The following UBIAD1 variants were observed in gnomAD, a reference collection of about 807,000 sequenced individuals.
UBIAD1 encodes the protein ubiA prenyltransferase domain-containing protein 1.
Under a neutral mutation model 20.1 loss-of-function variants are expected in UBIAD1, and 12 were observed. The observed-to-expected ratio is 0.60, with a 90% CI of 0.38 to 0.97. The LOEUF is 0.97. UBIAD1 is among the 50% of genes least tolerant of loss of function. UBIAD1 has a pLI of 0.00. For missense variants in UBIAD1, 333 were observed against 419.5 expected (o/e 0.79, Z 1.80); for synonymous variants, 207 against 189.2 (o/e 1.09, Z -0.77).
chr1:11,277,734 A>G (rs574719117), intron 1 of UBIAD1, among the ~76,000 whole-genome samples: 1 of 150,874 alleles, frequency 6.6e-6, no homozygotes, highest in East Asian at 2.0e-4. Context: ...CACAACCTCC[A>G]CCTCCGGGGT....
Position 11,273,609 on chromosome 1 carries a change from G to T in UBIAD1, c.78G>T (p.Pro26=), listed in dbSNP as rs778447000. ...CTGTCAAAGCTGGGGACAGGGACCC[G>T]CTGGGGAACGACTGTCCCGAGCAAG... ...GETVKAGDRD[P]LGNDCPEQDR... is the part of the protein sequence containing the mutation. Residue 26 remains proline, a synonymous_variant, in exon 1 of 2, where the codon CCG becomes CCT. Transcript: ENST00000376810. This position sits in a 1 kb window ranked among gnomAD's most constrained non-coding sequence, Gnocchi z 4.9. 6.8e-6 allele frequency: 11 copies of T among 1,613,824 alleles called. No individual in the cohort carries two copies. Among genetic ancestry groups the T allele is most frequent in the Non-Finnish European group, 9.3e-6 (11 of 1,180,054 alleles).
chr1:11,297,031 A>T (rs984564602), downstream of UBIAD1, among the ~76,000 whole-genome samples: 3 of 152,194 alleles, frequency 2.0e-5, no homozygotes, highest in African/African-American at 7.2e-5. Context: ...TAGAAAATGA[A>T]CAAGACCAGA....
chr1:11,285,525 C>T lies in UBIAD1; in HGVS notation c.530-119C>T. 4 of 1,489,186 alleles carry T rather than the reference C, an allele frequency of 2.7e-6. No individual in the cohort carries two copies. Among genetic ancestry groups the T allele is most frequent in the Admixed American group, 1.8e-5 (1 of 55,704 alleles). 92.2% of individuals were successfully genotyped at this position (1,489,186 alleles called of 1,614,324 possible). A position where few individuals can be genotyped will look rare whatever the true frequency, so the allele number is the denominator to read the frequency against. ...GGTTAAGGGATGAAATGAGTGCCCA[C>T]CTGCACAGTCTAAGGATTTACCATT... On this transcript the variant is annotated intron_variant, in intron 1 of 1. Transcript: ENST00000376810. The surrounding 1 kb of genome is among the most constrained non-coding windows in gnomAD (Gnocchi z 4.4).
At chr1:11,282,767 G>A (rs1030700468) in intron 1 of UBIAD1, among the ~76,000 whole-genome samples, 4 of 149,284 alleles carry the variant, frequency 2.7e-5, no homozygotes, top group South Asian at 2.1e-4. Context: ...GGGTTTCTCC[G>A]TGTTGGTCAG....
chr1:11,275,152 A>T (rs998411524), intron 1 of UBIAD1, among the ~76,000 whole-genome samples: 5 of 152,208 alleles, frequency 3.3e-5, no homozygotes, highest in African/African-American at 1.2e-4. Context: ...GCAGTCACAG[A>T]TCCCTGCCCT....
rs987086779 is a variant in UBIAD1, at chr1:11,287,705, G to A, written c.*1574G>A. ...AGCACTTTGGGAGGCCGAGACGGGC[G>A]GATCACGAGGTCAGGAGATCGAGAC... On this transcript the variant is annotated 3_prime_UTR_variant, in exon 2 of 2. Transcript: ENST00000376810. 8 of 152,156 alleles carry A rather than the reference G, an allele frequency of 5.3e-5. No homozygotes were observed. Among genetic ancestry groups the A allele is most frequent in the Non-Finnish European group, 1.2e-4 (8 of 68,034 alleles). 9.4% of individuals were successfully genotyped at this position (152,156 alleles called of 1,614,324 possible).
chr1:11,283,592 G>A (rs565950888), intron 1 of UBIAD1, among the ~76,000 whole-genome samples: 16 of 152,152 alleles, frequency 1.1e-4, no homozygotes, highest in Non-Finnish European at 2.1e-4. Flanking sequence ...ATGTTGAAGA[G>A]TGTCAGTGGC....
chr1:11,276,500 C>A (rs1569890691), intron 1 of UBIAD1, among the ~76,000 whole-genome samples: 1 of 151,726 alleles, frequency 6.6e-6, no homozygotes, highest in East Asian at 1.9e-4. Flanking sequence ...CTTGTCTGTA[C>A]TAAAAATACA....
chr1:11,290,831 T>C (rs1638355977), downstream of UBIAD1, among the ~76,000 whole-genome samples: 1 of 149,784 alleles, frequency 6.7e-6, no homozygotes, highest in Non-Finnish European at 1.5e-5. Context: ...AATACAAAAA[T>C]TAGCACCTGT....
chr1:11,273,333 T>C lies in UBIAD1; in HGVS notation c.-199T>C. Reference sequence around the variant, plus strand: ...CAGACTTCGCCCAGGTGACGGGTAGTAGGGGCGGCGCCGCTTGGCCTCGTG... The same window carrying C: ...CAGACTTCGCCCAGGTGACGGGTAGCAGGGGCGGCGCCGCTTGGCCTCGTG... On this transcript the variant is annotated 5_prime_UTR_variant, in exon 1 of 2. Coordinates refer to ENST00000376810, the MANE Select transcript of UBIAD1 (RefSeq NM_013319.3). The surrounding 1 kb of genome is among the most constrained non-coding windows in gnomAD (Gnocchi z 4.9). 1 of 624,574 alleles carries C rather than the reference T, an allele frequency of 1.6e-6. No individual in the cohort carries two copies. The highest frequency in any genetic ancestry group is 4.4e-4 in the Middle Eastern group (1 of 2,288). 38.7% of individuals were successfully genotyped at this position (624,574 alleles called of 1,614,324 possible).
In UBIAD1 at chr1:11,273,894, T is replaced by C. The variant is rs1201018542; in HGVS notation, c.363T>C (p.Leu121=). 3 of 1,614,230 alleles carry C rather than the reference T, an allele frequency of 1.9e-6. No homozygotes were observed. The highest frequency in any genetic ancestry group is 3.3e-5 in the Admixed American group (2 of 60,026). The change falls in exon 1 of 2, where the codon CTT becomes CTC. Residue 121 remains leucine (L), a synonymous_variant. Coordinates refer to ENST00000376810, the MANE Select transcript of UBIAD1 (RefSeq NM_013319.3). This position sits in a 1 kb window ranked among gnomAD's most constrained non-coding sequence, Gnocchi z 4.9. ...ACAAAAAGAGTGATGACAGGACACT[T>C]GTGGACCGAATCTTGGAGCCGCAGG... ...IDHKKSDDRT[L]VDRILEPQDV...
At position 11,273,643 on chromosome 1, in the gene UBIAD1, C is replaced by A. The variant is rs528822096; in HGVS notation, c.112C>A (p.Pro38Thr). 7.4e-5 allele frequency: 119 copies of A among 1,614,122 alleles called. 2 individuals carry two copies. In the South Asian group the frequency reaches 1.2e-3, roughly 17 times the overall value. ...GNDCPEQDRL[P>T]QRSWRQKCAS... ...CGACTGTCCCGAGCAAGATAGGCTCCCCCAGCGCTCCTGGAGGCAGAAGTG... is the reference window on the plus strand; with the variant it reads ...CGACTGTCCCGAGCAAGATAGGCTCACCCAGCGCTCCTGGAGGCAGAAGTG... Residue 38 changes from proline (P) to threonine (T), a missense_variant, in exon 1 of 2, where the codon CCC becomes ACC. This residue lies in a region of UBIAD1 where 57 missense variants were observed against 54.7 expected (regional missense o/e 1.04). Transcript: ENST00000376810. This position sits in a 1 kb window ranked among gnomAD's most constrained non-coding sequence, Gnocchi z 4.9.
At position 11,273,631 on chromosome 1, in the gene UBIAD1, C is replaced by T. The variant is rs369475941; in HGVS notation, c.100C>T (p.Gln34Ter). The change falls in exon 1 of 2, where the codon CAA (glutamine) becomes TAA (stop). Residue 34 changes from glutamine (Q) to a stop codon, truncating the protein, a stop_gained. Transcript: ENST00000376810. LOFTEE classifies it high-confidence loss of function. This position sits in a 1 kb window ranked among gnomAD's most constrained non-coding sequence, Gnocchi z 4.9. ...RDPLGNDCPE[Q>*]DRLPQRSWRQ... The stretch of plus-strand genomic sequence containing the variant: ...CCCGCTGGGGAACGACTGTCCCGAG[C>T]AAGATAGGCTCCCCCAGCGCTCCTG... The T allele has an allele frequency of 1.9e-6, 3 of 1,613,956 alleles. No homozygotes were observed. The highest frequency in any genetic ancestry group is 1.7e-5 in the Admixed American group (1 of 59,998).
At chr1:11,298,108 C>T (rs1451176009), downstream of UBIAD1, among the ~76,000 whole-genome samples, 2 of 151,974 alleles carry the variant, frequency 1.3e-5, no homozygotes, top group East Asian at 3.9e-4. The surrounding 1 kb of genome is among the most constrained non-coding windows in gnomAD (Gnocchi z 4.0). Context: ...TTACAGCATG[C>T]ACCACCATGC....
At chr1:11,274,175 A>T (rs1651906756) in intron 1 of UBIAD1, 115 bp downstream of exon 1, 5 of 1,292,434 alleles carry the variant, frequency 3.9e-6, no homozygotes, top group Middle Eastern at 2.3e-4. Flanking sequence ...AAGCCGCTTT[A>T]ATTGAAGTCT....
downstream of UBIAD1, among the ~76,000 whole-genome samples, chr1:11,299,467 CTT>C (rs1429645323): frequency 6.6e-6 from 1 of 152,226 alleles, no homozygotes; most frequent in Non-Finnish European, 1.5e-5. Context: ...GGTTAACAGT[CTT>C]TTTCATTTTC....
intron 1 of UBIAD1, among the ~76,000 whole-genome samples, chr1:11,276,852 C>G (rs576050925): frequency 6.6e-6 from 1 of 151,942 alleles, no homozygotes; most frequent in Non-Finnish European, 1.5e-5. Flanking sequence ...TCAACTCCCC[C>G]CCAACATTTT....
intron 1 of UBIAD1, among the ~76,000 whole-genome samples, chr1:11,281,914 G>A (rs1008385446): frequency 6.6e-6 from 1 of 152,164 alleles, no homozygotes; most frequent in African/African-American, 2.4e-5. Flanking sequence ...GAGATTCATT[G>A]TTTTATTGCG....
At chr1:11,277,159 C>G (rs1161689840) in intron 1 of UBIAD1, among the ~76,000 whole-genome samples, 2 of 151,850 alleles carry the variant, frequency 1.3e-5, no homozygotes, top group Non-Finnish European at 2.9e-5. Context: ...ATCGCTTGAA[C>G]CTGGGAGGTT....
Sources: gnomAD v4.1 joint callset for allele counts (sites outside exome capture counted in the v4.1 genomes callset) on GRCh38, gnomAD v4.1.1 for gene constraint, gnomAD v4.1.1 regional missense constraint, Gnocchi (gnomAD v3.1) non-coding constraint, MANE v1.5 for transcripts, NCBI Gene and HGNC (gene_info 2026-07-23, HGNC 2026-07-21) for gene names.